SETD7: variants seen among roughly 807,000 people sequenced by gnomAD.
SETD7 encodes SET domain containing 7, histone lysine methyltransferase.
In SETD7, 16 loss-of-function variants were observed where a neutral mutation model predicts 41.8. The observed-to-expected ratio is 0.38, with a 90% CI of 0.26 to 0.58. The LOEUF (loss-of-function observed/expected upper bound fraction) is 0.58. Ranked by LOEUF, SETD7 falls within the 20% of genes least tolerant of loss-of-function variation. The pLI, the probability that SETD7 is intolerant of heterozygous loss-of-function variation, is 0.64. For missense variants in SETD7, 346 were observed against 459.7 expected, an observed-to-expected ratio of 0.75 and a Z score of 2.26; for synonymous variants, 163 against 169.7, an observed-to-expected ratio of 0.96 and a Z score of 0.31.
chr4:139,552,126 G>A (rs1345932312), intron 1 of SETD7, among the ~76,000 whole-genome samples: 1 of 151,866 alleles, frequency 6.6e-6, no homozygotes, highest in Non-Finnish European at 1.5e-5. Flanking sequence ...TAATTGTGAG[G>A]GTCATGATTT....
At chr4:139,546,886 C>A (rs756134969) in intron 2 of SETD7, 34 bp downstream of exon 2, 2 of 1,613,562 alleles carry the variant, frequency 1.2e-6, no homozygotes, top group South Asian at 1.1e-5. Flanking sequence ...TAATTCGGTA[C>A]CCCCAAAGAA....
chr4:139,534,372 T>G (rs894093580), intron 2 of SETD7, among the ~76,000 whole-genome samples: 4 of 152,118 alleles, frequency 2.6e-5, no homozygotes, highest in African/African-American at 9.7e-5. Flanking sequence ...CAGAGAGTAT[T>G]TATTCATTAA....
In SETD7 at chr4:139,533,196, A is replaced by T; in HGVS notation, c.341T>A (p.Ile114Asn). 6.2e-7 allele frequency: 1 copy of T among 1,614,142 alleles called. No individual in the cohort carries two copies. The highest frequency in any genetic ancestry group is 1.1e-5 in the South Asian group (1 of 91,078). ...LIFKGQYKDN[I>N]RHGVCWIYYP... ...ATATATCCAGCACACTCCATGACGAATGTTATCTTTATACTGCCCCTTGAA... is the reference window on the plus strand; with the variant it reads ...ATATATCCAGCACACTCCATGACGATTGTTATCTTTATACTGCCCCTTGAA... The change falls in exon 3 of 8, where the codon ATT becomes AAT. Residue 114 changes from isoleucine (I) to asparagine (N), a missense_variant. Coordinates refer to ENST00000274031, the MANE Select transcript of SETD7 (RefSeq NM_030648.4).
At chr4:139,520,114 C>T (rs1054378107) in intron 6 of SETD7, among the ~76,000 whole-genome samples, 163 bp downstream of exon 6, 1 of 151,962 alleles carries the variant, frequency 6.6e-6, no homozygotes, top group African/African-American at 2.4e-5. Flanking sequence ...TAAAAAAAAT[C>T]GTATTAAGGC....
chr4:139,500,296 C>A (rs1726542820), intron 7 of SETD7, among the ~76,000 whole-genome samples: 1 of 152,148 alleles, frequency 6.6e-6, no homozygotes, highest in Non-Finnish European at 1.5e-5. Flanking sequence ...TGCCCACCAT[C>A]ATCATGAACC....
intron 2 of SETD7, among the ~76,000 whole-genome samples, chr4:139,543,909 A>T (rs1211434261): frequency 6.6e-6 from 1 of 152,012 alleles, no homozygotes; most frequent in Non-Finnish European, 1.5e-5. Context: ...GCTTGCAGTG[A>T]GCCGAGATCG....
At chr4:139,513,015 T>G (rs1157188763) in intron 7 of SETD7, among the ~76,000 whole-genome samples, 1 of 152,056 alleles carries the variant, frequency 6.6e-6, no homozygotes, top group Non-Finnish European at 1.5e-5. Context: ...CACCTTGGCC[T>G]TCTAAAGTGC....
At chr4:139,541,373 T>G (rs1233429933) in intron 2 of SETD7, among the ~76,000 whole-genome samples, 1 of 152,198 alleles carries the variant, frequency 6.6e-6, no homozygotes, top group Non-Finnish European at 1.5e-5. Context: ...AGGATTAGTA[T>G]AAAAATTAGA....
At chr4:139,525,984 G>A (rs183604671) in intron 4 of SETD7, among the ~76,000 whole-genome samples, 27 of 152,202 alleles carry the variant, frequency 1.8e-4, no homozygotes, top group East Asian at 7.7e-4. Flanking sequence ...TCTTTTCTGC[G>A]TTAAGTTAAT....
intron 7 of SETD7, among the ~76,000 whole-genome samples, chr4:139,515,533 A>C (rs1319710966): frequency 1.8e-4 from 28 of 152,222 alleles, no homozygotes; most frequent in Non-Finnish European, 1.8e-4. Context: ...CCACCCCTTT[A>C]AAGGGTTGTT....
intron 2 of SETD7, among the ~76,000 whole-genome samples, chr4:139,542,098 G>A (rs1352598991): frequency 6.6e-6 from 1 of 152,182 alleles, no homozygotes; most frequent in Non-Finnish European, 1.5e-5. Context: ...CAATATGAAT[G>A]ATCCTAGAGG....
chr4:139,520,295 A>G lies in SETD7; in HGVS notation c.744T>C (p.Val248=), dbSNP rs1162396596. 6.3e-7 allele frequency: 1 copy of G among 1,593,640 alleles called. No individual in the cohort carries two copies. Among genetic ancestry groups the G allele is most frequent in the Non-Finnish European group, 8.6e-7 (1 of 1,168,208 alleles). The change falls in exon 6 of 8, where the codon GTT becomes GTC. Residue 248 remains valine, a synonymous_variant. Coordinates refer to ENST00000274031, the MANE Select transcript of SETD7 (RefSeq NM_030648.4). ...PNTVMSFYNG[V]RITHQEVDSR... ...CACTCACCTCTTGGTGTGTAATTCG[A>G]ACTCCATTATAAAAAGACATAACAG...
chr4:139,503,248 C>G (rs1726623785), downstream of SETD7, among the ~76,000 whole-genome samples: 1 of 149,576 alleles, frequency 6.7e-6, no homozygotes, highest in African/African-American at 2.5e-5. Context: ...GGGACCCAGT[C>G]AAAGAGATCA....
At chr4:139,512,752 C>CTTTTTTTTTTTTTTTTTTTTTTTTTTTTT (rs140570195) in intron 7 of SETD7, among the ~76,000 whole-genome samples, 1 of 75,536 alleles carries the variant, frequency 1.3e-5, no homozygotes, top group Non-Finnish European at 2.5e-5. Flanking sequence ...TTTTCTTATT[C>CTTTTTTTTTTTTTTTTTTTTTTTTTTTTT]TTTTTTTTTT....
At position 139,555,646 on chromosome 4, in the gene SETD7, C is replaced by T. The variant is rs916397384; in HGVS notation, c.40+452G>A. Among the ~76,000 whole-genome samples, 1 of 152,150 alleles carries T rather than the reference C, an allele frequency of 6.6e-6. No individual in the cohort carries two copies. The highest frequency in any genetic ancestry group is 1.5e-5 in the Non-Finnish European group (1 of 67,958). On this transcript the variant is annotated intron_variant, in intron 1 of 7. Coordinates refer to ENST00000274031, the MANE Select transcript of SETD7 (RefSeq NM_030648.4). The surrounding 1 kb of genome is among the most constrained non-coding windows in gnomAD (Gnocchi z 4.0). Reference sequence around the variant, plus strand: ...CCGCGGCCGCCGCGGGGCGCAGAGGCAGCAGAAGGGAAGGGCTGGCGGCCG... The same window carrying T: ...CCGCGGCCGCCGCGGGGCGCAGAGGTAGCAGAAGGGAAGGGCTGGCGGCCG...
intron 7 of SETD7, among the ~76,000 whole-genome samples, chr4:139,513,873 A>C (rs1211358892): frequency 6.6e-6 from 1 of 152,274 alleles, no homozygotes; most frequent in Non-Finnish European, 1.5e-5. Flanking sequence ...GCCTGTGAGC[A>C]TGCATGTGTG....
At chr4:139,513,434 AG>A (rs1208624717) in intron 7 of SETD7, among the ~76,000 whole-genome samples, 5 of 151,468 alleles carry the variant, frequency 3.3e-5, no homozygotes, top group African/African-American at 1.2e-4. Context: ...AAAAAAAAAA[AG>A]AAAAAAAAGA....
At chr4:139,554,226 C>A (rs2111182613) in intron 1 of SETD7, among the ~76,000 whole-genome samples, 1 of 152,300 alleles carries the variant, frequency 6.6e-6, no homozygotes, top group African/African-American at 2.4e-5. Context: ...TAAAACAAAA[C>A]CATCCCTGTT....
chr4:139,524,624 C>T (rs939817257), intron 4 of SETD7, among the ~76,000 whole-genome samples: 2 of 152,154 alleles, frequency 1.3e-5, no homozygotes, highest in Admixed American at 6.5e-5. Flanking sequence ...TTGTCCCCAG[C>T]CAGCCAGTGG....
Sources: allele counts gnomAD v4.1 joint callset (sites outside exome capture counted in the v4.1 genomes callset), GRCh38; gene constraint gnomAD v4.1.1; non-coding constraint Gnocchi (gnomAD v3.1); transcripts MANE v1.5; gene names NCBI Gene and HGNC (gene_info 2026-07-23, HGNC 2026-07-21).